Variants in MAPK10 observed in about 807,000 individuals in gnomAD.
MAPK10 encodes mitogen-activated protein kinase 10, also known as JNK3 alpha protein kinase.
In MAPK10, 25 loss-of-function variants were observed where a neutral mutation model predicts 59.3. That is an observed-to-expected ratio of 0.42 (90% CI 0.31 to 0.59). MAPK10 has a LOEUF of 0.59. MAPK10 is among the 20% of genes least tolerant of loss of function. The pLI, the probability that MAPK10 is intolerant of heterozygous loss-of-function variation, is 0.15. For missense variants in MAPK10, 351 were observed against 568.9 expected (o/e 0.62, Z 3.90); for synonymous variants, 190 against 200.5 (o/e 0.95, Z 0.44).
intron 1 of MAPK10, among the ~76,000 whole-genome samples, chr4:86,449,624 G>A (rs1750459257): frequency 6.6e-6 from 1 of 152,158 alleles, no homozygotes; most frequent in Admixed American, 6.5e-5. Context: ...GCATGCTTTT[G>A]CAAAGTCTCC....
intron 1 of MAPK10, among the ~76,000 whole-genome samples, chr4:86,517,463 GAC>G (rs1756774604): frequency 6.6e-6 from 1 of 151,926 alleles, no homozygotes; most frequent in Non-Finnish European, 1.5e-5. Context: ...TTTTAGTAGA[GAC>G]AGGGTTTCAC....
chr4:86,357,975 T>G, intron 1 of MAPK10: 2 of 543,852 alleles, frequency 3.7e-6, no homozygotes, highest in South Asian at 8.0e-5. Context: ...TCTAGTCCCA[T>G]TGTAGGGGAG....
chr4:86,065,601 A>G (rs2046586741), intron 10 of MAPK10: 1 of 152,222 alleles, frequency 6.6e-6, no homozygotes, highest in Admixed American at 6.5e-5. Flanking sequence ...TTTGTTACAT[A>G]GGTATACACA....
chr4:86,345,384 G>A (rs952988099), intron 2 of MAPK10, among the ~76,000 whole-genome samples: 2 of 152,134 alleles, frequency 1.3e-5, no homozygotes, highest in African/African-American at 4.8e-5. Context: ...ATATACAGTT[G>A]AAGCTCAGCT....
At chr4:86,280,996 T>G (rs965997992) in intron 2 of MAPK10, among the ~76,000 whole-genome samples, 2 of 152,042 alleles carry the variant, frequency 1.3e-5, no homozygotes, top group Non-Finnish European at 2.9e-5. Context: ...TAGGGTACAA[T>G]GCTCACTACC....
intron 1 of MAPK10, among the ~76,000 whole-genome samples, chr4:86,451,941 C>T (rs553737807): frequency 1.2e-4 from 19 of 152,218 alleles, no homozygotes; most frequent in African/African-American, 4.3e-4. Flanking sequence ...AAATCGAACA[C>T]GATATGAACA....
At chr4:86,103,141 T>A in intron 6 of MAPK10, 45 bp downstream of exon 6, 2 of 1,368,932 alleles carry the variant, frequency 1.5e-6, no homozygotes, top group Non-Finnish European at 2.1e-6. Flanking sequence ...CCTTGGGCTA[T>A]CTGAGTGCTG....
intron 1 of MAPK10, among the ~76,000 whole-genome samples, chr4:86,553,838 C>A (rs902184829): frequency 4.6e-5 from 7 of 151,996 alleles, no homozygotes; most frequent in African/African-American, 1.7e-4. Flanking sequence ...TTCTACTTCT[C>A]TAAGTGCCCC....
At chr4:86,171,396 A>G (rs1367163244) in intron 3 of MAPK10, among the ~76,000 whole-genome samples, 1 of 152,118 alleles carries the variant, frequency 6.6e-6, no homozygotes, top group Non-Finnish European at 1.5e-5. Context: ...TCAATGGAAC[A>G]GAACAGAGCC....
intron 2 of MAPK10, among the ~76,000 whole-genome samples, chr4:86,291,005 T>C (rs1384155355): frequency 6.6e-6 from 1 of 152,170 alleles, no homozygotes; most frequent in Non-Finnish European, 1.5e-5. Flanking sequence ...ACACTCAGTC[T>C]GGTGGTGACT....
At chr4:86,555,956 T>C (rs1760236155) in intron 1 of MAPK10, among the ~76,000 whole-genome samples, 1 of 152,210 alleles carries the variant, frequency 6.6e-6, no homozygotes, top group Non-Finnish European at 1.5e-5. Flanking sequence ...AGTGGTTTAA[T>C]TTGAAGATCC....
intron 2 of MAPK10, among the ~76,000 whole-genome samples, chr4:86,228,164 G>C (rs1257338940): frequency 6.6e-6 from 1 of 152,208 alleles, no homozygotes; most frequent in Non-Finnish European, 1.5e-5. Context: ...TCTGATACCT[G>C]GTCCTGGGGT....
At chr4:86,049,761 G>A (rs781448848) in intron 11 of MAPK10, among the ~76,000 whole-genome samples, 4 of 151,900 alleles carry the variant, frequency 2.6e-5, no homozygotes, top group Non-Finnish European at 5.9e-5. Context: ...CATCTCCATT[G>A]CCATTGAAGT....
At position 86,445,089 on chromosome 4, in the gene MAPK10, A is replaced by T. The variant is rs150390333; in HGVS notation, c.-122+7941T>A. Among the ~76,000 whole-genome samples the T allele has an allele frequency of 6.0e-3, 920 of 152,344 alleles. 7 individuals are homozygous for T. Among genetic ancestry groups the T allele is most frequent in the African/African-American group, 0.02 (822 of 41,564 alleles). ...TCTGGGTATATACCCAAAGGAATAT[A>T]AATCATTCAGTTACAAAGATACATG... On this transcript the variant is annotated intron_variant, in intron 1 of 13. Transcript: ENST00000361569.
At chr4:86,140,889 T>C (rs1400793689) in intron 4 of MAPK10, among the ~76,000 whole-genome samples, 1 of 152,130 alleles carries the variant, frequency 6.6e-6, no homozygotes, top group Non-Finnish European at 1.5e-5. Flanking sequence ...ATAAATACTT[T>C]GCAAAGTGTC....
rs572529068 is a variant in MAPK10 at position 86,333,786 on chromosome 4, T to C, written c.-7+20744A>G. On this transcript the variant is annotated intron_variant, in intron 2 of 13. Transcript: ENST00000641462. Reference sequence around the variant, plus strand: ...TATTTTTCATCTGTAAAATCAGGGATCACAGTAGCACCAACCTCTCAAGAA... The same window carrying C: ...TATTTTTCATCTGTAAAATCAGGGACCACAGTAGCACCAACCTCTCAAGAA... 9.2e-5 allele frequency among the ~76,000 whole-genome samples: 14 copies of C among 152,304 alleles called. 1 individual carries two copies. The South Asian group carries it at 2.1e-3, about 23-fold the overall frequency.
intron 1 of MAPK10, among the ~76,000 whole-genome samples, chr4:86,369,461 A>G (rs868268701): frequency 2.0e-5 from 3 of 152,188 alleles, no homozygotes; most frequent in African/African-American, 7.2e-5. Context: ...ATGATCGTAT[A>G]CAAACACTTA....
At chr4:86,145,385 A>T (rs74380464) in intron 4 of MAPK10, among the ~76,000 whole-genome samples, 1 of 151,058 alleles carries the variant, frequency 6.6e-6, no homozygotes, top group African/African-American at 2.4e-5. Context: ...AAAAAAAAAA[A>T]TTTCTATCTC....
intron 12 of MAPK10, 32 bp downstream of exon 12, chr4:86,031,336 A>T (rs1578821787): frequency 6.8e-7 from 1 of 1,478,742 alleles, no homozygotes; most frequent in East Asian, 2.3e-5. Flanking sequence ...TCAATAAAAT[A>T]AAAAGTATAC....
Sources: gnomAD v4.1 joint callset for allele counts (sites outside exome capture counted in the v4.1 genomes callset) on GRCh38, gnomAD v4.1.1 for gene constraint, MANE v1.5 for transcripts, NCBI Gene and HGNC (gene_info 2026-07-23, HGNC 2026-07-21) for gene names.